ANGPT4: variants seen among roughly 807,000 people sequenced by gnomAD.
ANGPT4 encodes the protein angiopoietin-4.
Under a neutral mutation model 53.0 loss-of-function variants are expected in ANGPT4, and 50 were observed. The observed-to-expected ratio is 0.94, with a 90% CI of 0.75 to 1.20. The LOEUF is 1.20. Among genes scored for constraint, ANGPT4 ranks in the 50% most tolerant of loss-of-function variants. The pLI, the probability that ANGPT4 is intolerant of heterozygous loss-of-function variation, is 0.00. For synonymous variants in ANGPT4, 251 were observed against 259.7 expected, an observed-to-expected ratio of 0.97 and a Z score of 0.32; for missense variants, 648 against 637.1, an observed-to-expected ratio of 1.02 and a Z score of -0.18.
rs558620206 is a variant in ANGPT4 at position 911,355 on chromosome 20, G to A, written c.309+4551C>T. Among the ~76,000 whole-genome samples, 5 of 152,356 alleles carry A rather than the reference G, an allele frequency of 3.3e-5. No individual in the cohort carries two copies. In the South Asian group the frequency reaches 1.0e-3, roughly 32 times the overall value. ...CCCTGACCCCTCTCTGCTTGGCTTT[G>A]GGTGCAGAGGAGGAAGAGAAAGAGG... On this transcript the variant is annotated intron_variant, in intron 1 of 8. Transcript: ENST00000381922. The surrounding 1 kb of genome is among the most constrained non-coding windows in gnomAD (Gnocchi z 4.9).
chr20:907,071 C>T (rs1014432319), intron 1 of ANGPT4, among the ~76,000 whole-genome samples: 2 of 152,188 alleles, frequency 1.3e-5, no homozygotes, highest in Admixed American at 1.3e-4. Context: ...CTCTGAACCT[C>T]AGTGGCCTCA....
chr20:898,398 T>C (rs1982138819), intron 1 of ANGPT4, among the ~76,000 whole-genome samples: 2 of 152,238 alleles, frequency 1.3e-5, no homozygotes, highest in African/African-American at 4.8e-5. Context: ...TTTTTCTTTA[T>C]CTGACCTCTC....
rs773751255 is a variant in ANGPT4 at position 888,466 on chromosome 20, G to T, written c.466-27C>A. ...TGCCCCAGCAAGCAGAAGCAGGTAG[G>T]GGGCTGCGTAAGCGCTACAGGAGCC... is the stretch of plus-strand genomic sequence containing the variant. On this transcript the variant is annotated intron_variant, in intron 2 of 8. Transcript: ENST00000381922. 5.6e-6 allele frequency: 9 copies of T among 1,603,562 alleles called. No individual in the cohort carries two copies. In the Middle Eastern group the frequency reaches 1.2e-3, roughly 208 times the overall value.
chr20:909,666 T>G lies in ANGPT4; in HGVS notation c.309+6240A>C, dbSNP rs541248157. Among the ~76,000 whole-genome samples the G allele has an allele frequency of 1.2e-4, 18 of 152,284 alleles. 1 individual carries two copies. The South Asian group carries it at 3.1e-3, about 26-fold the overall frequency. ...TGCAAAGTAGCTTCTGTTAGTGTCC[T>G]CACTTCACAGATAAGGAAACCGAGT... On this transcript the variant is annotated intron_variant, in intron 1 of 8. Transcript: ENST00000381922.
At position 870,589 on chromosome 20, in the gene ANGPT4, G is replaced by A. The variant is rs1398684241; in HGVS notation, c.*2371C>T. 1.3e-5 allele frequency: 2 copies of A among 152,166 alleles called. No homozygotes were observed. The highest frequency in any genetic ancestry group is 2.9e-5 in the Non-Finnish European group (2 of 68,042). The allele number at this position is 152,166 out of a possible 1,614,324, so 9.4% of individuals were successfully genotyped here. A position where few individuals can be genotyped will look rare whatever the true frequency, so the allele number is the denominator to read the frequency against. ...TGAGGATAACTCAAATCAGCTTCCTGCCCCCTTATAAAATGGGAGTAGAGA... is the reference window on the plus strand; with the variant it reads ...TGAGGATAACTCAAATCAGCTTCCTACCCCCTTATAAAATGGGAGTAGAGA... On this transcript the variant is annotated 3_prime_UTR_variant, in exon 9 of 9. Transcript: ENST00000381922.
chr20:873,074 G>T lies in ANGPT4; in HGVS notation c.1398C>A (p.Tyr466Ter). ...TGTACTTGTTGTCGGGAGCGTGGTA[G>T]TAGACGCCGTTGAGGTTTGACAGGC... ...ACGLSNLNGV[Y>*]YHAPDNKYKM... is the part of the protein sequence containing the mutation. The change falls in exon 9 of 9, where the codon TAC (tyrosine) becomes TAA (stop). Residue 466 changes from tyrosine (Y) to a stop codon, truncating the protein, a stop_gained. Coordinates refer to ENST00000381922, the MANE Select transcript of ANGPT4 (RefSeq NM_015985.4). LOFTEE classifies it low-confidence loss of function (END_TRUNC). The T allele has an allele frequency of 1.9e-6, 3 of 1,614,054 alleles. No homozygotes were observed. The South Asian group carries it at 3.3e-5, about 18-fold the overall frequency.
At chr20:910,284 A>G (rs1239700350) in intron 1 of ANGPT4, among the ~76,000 whole-genome samples, 1 of 152,204 alleles carries the variant, frequency 6.6e-6, no homozygotes, top group Non-Finnish European at 1.5e-5. Flanking sequence ...CACCTAGGAC[A>G]GTGTGTGGCA....
intron 1 of ANGPT4, among the ~76,000 whole-genome samples, chr20:909,041 G>C (rs957776631): frequency 6.6e-6 from 1 of 152,146 alleles, no homozygotes; most frequent in Non-Finnish European, 1.5e-5. Context: ...GGTGGTCTGT[G>C]TAGTGGTTAA....
intron 7 of ANGPT4, among the ~76,000 whole-genome samples, chr20:876,300 G>GGTT (rs912879341): frequency 6.6e-6 from 1 of 152,132 alleles, no homozygotes; most frequent in African/African-American, 2.4e-5. Context: ...CTGGGTATAT[G>GGTT]GTTGGCTCAG....
In ANGPT4 at chr20:911,910, G is replaced by C. The variant is rs1480992070; in HGVS notation, c.309+3996C>G. On this transcript the variant is annotated intron_variant, in intron 1 of 8. Coordinates refer to ENST00000381922, the MANE Select transcript of ANGPT4 (RefSeq NM_015985.4). This position sits in a 1 kb window ranked among gnomAD's most constrained non-coding sequence, Gnocchi z 4.9. ...ACAGAGACAGACAGAGATAGACAGGGAGATAGGCAGAGAGAGGGCTGCCAT... is the reference window on the plus strand; with the variant it reads ...ACAGAGACAGACAGAGATAGACAGGCAGATAGGCAGAGAGAGGGCTGCCAT... 6.6e-6 allele frequency among the ~76,000 whole-genome samples: 1 copy of C among 152,102 alleles called. No homozygotes were observed. Among genetic ancestry groups the C allele is most frequent in the Non-Finnish European group, 1.5e-5 (1 of 68,012 alleles).
At chr20:895,152 G>C (rs1981995013) in intron 1 of ANGPT4, among the ~76,000 whole-genome samples, 1 of 152,208 alleles carries the variant, frequency 6.6e-6, no homozygotes, top group Admixed American at 6.5e-5. Flanking sequence ...ATGGATCCCA[G>C]TGGAGGAACT....
intron 1 of ANGPT4, among the ~76,000 whole-genome samples, chr20:901,907 A>G (rs1305332827): frequency 1.3e-5 from 2 of 152,190 alleles, no homozygotes. Flanking sequence ...GCAAAACCCT[A>G]TCTTAAAACA....
At chr20:904,003 T>C (rs1982385976) in intron 1 of ANGPT4, among the ~76,000 whole-genome samples, 1 of 152,190 alleles carries the variant, frequency 6.6e-6, no homozygotes, top group Non-Finnish European at 1.5e-5. Context: ...CAGGAGCTAA[T>C]GGCCAGATCT....
chr20:894,598 G>A (rs1278213807), intron 1 of ANGPT4, among the ~76,000 whole-genome samples: 1 of 152,182 alleles, frequency 6.6e-6, no homozygotes, highest in Non-Finnish European at 1.5e-5. Flanking sequence ...GCTGTATCGA[G>A]TTTGGTCTCA....
Position 878,274 on chromosome 20 carries a change from C to G in ANGPT4, c.1107G>C (p.Gln369His). 1 of 1,611,418 alleles carries G rather than the reference C, an allele frequency of 6.2e-7. No homozygotes were observed. Among genetic ancestry groups the G allele is most frequent in the Non-Finnish European group, 8.5e-7 (1 of 1,178,776 alleles). The change falls in exon 7 of 9, where the codon CAG (glutamine) becomes CAC (histidine). Residue 369 changes from glutamine (Q) to histidine (H), a missense_variant. By Grantham distance (24) the Gln-to-His change is conservative. Transcript: ENST00000381922. ...GAGAGTAGGCTGCCCTTCTGGTGAG[C>G]TGGTGCACCACTTCATTGCCCAGCC... ...EHWLGNEVVH[Q>H]LTRRAAYSLR...
At position 888,387 on chromosome 20, in the gene ANGPT4, G is replaced by A. The variant is rs1981698558; in HGVS notation, c.518C>T (p.Ser173Phe). The change falls in exon 3 of 9, where the codon TCC (serine) becomes TTC (phenylalanine). Residue 173 changes from serine to phenylalanine, a missense_variant. Transcript: ENST00000381922. ...MDAQMPETFL[S>F]TNKLENQLLL... is the part of the protein sequence containing the mutation. The stretch of plus-strand genomic sequence containing the variant: ...CAGCTGGTTCTCCAGCTTGTTGGTG[G>A]ACAGAAAGGTCTCTGGCATCTGGGC... 6.2e-7 allele frequency: 1 copy of A among 1,613,818 alleles called. No homozygotes were observed. Among genetic ancestry groups the A allele is most frequent in the Non-Finnish European group, 8.5e-7 (1 of 1,179,960 alleles).
At chr20:900,224 T>C (rs573810833) in intron 1 of ANGPT4, among the ~76,000 whole-genome samples, 4 of 152,318 alleles carry the variant, frequency 2.6e-5, no homozygotes, top group Non-Finnish European at 4.4e-5. Context: ...CCTCTTCTTG[T>C]TTGCTTATAC....
At chr20:905,260 C>A (rs1345401508) in intron 1 of ANGPT4, among the ~76,000 whole-genome samples, 1 of 152,198 alleles carries the variant, frequency 6.6e-6, no homozygotes, top group Non-Finnish European at 1.5e-5. Context: ...GTCCAATTCC[C>A]CCACGAGAAG....
chr20:876,920 G>A (rs1329881392), intron 7 of ANGPT4, among the ~76,000 whole-genome samples: 2 of 152,180 alleles, frequency 1.3e-5, no homozygotes, highest in Non-Finnish European at 2.9e-5. Flanking sequence ...GGTAGTGCAT[G>A]CCTGTAATCC....
Sources: allele counts gnomAD v4.1 joint callset (sites outside exome capture counted in the v4.1 genomes callset), GRCh38; gene constraint gnomAD v4.1.1; non-coding constraint Gnocchi (gnomAD v3.1); transcripts MANE v1.5; gene names NCBI Gene and HGNC (gene_info 2026-07-23, HGNC 2026-07-21).